The following NDST3 variants were observed in gnomAD, a reference collection of about 807,000 sequenced individuals.
NDST3 encodes the protein N-deacetylase and N-sulfotransferase 3.
In NDST3, 58 loss-of-function variants were observed where a neutral mutation model predicts 96.1. The observed-to-expected ratio is 0.60, with a 90% confidence interval of 0.49 to 0.75. NDST3 has a LOEUF of 0.75. Ranked by LOEUF, NDST3 falls within the 30% of genes least tolerant of loss-of-function variation. The pLI is 0.00. For missense variants in NDST3, 788 were observed against 1,034.2 expected (o/e 0.76, Z 3.27); for synonymous variants, 333 against 359.7 (o/e 0.93, Z 0.84).
At chr4:118,135,035 T>G (rs953861574) in intron 4 of NDST3, among the ~76,000 whole-genome samples, 6 of 152,232 alleles carry the variant, frequency 3.9e-5, no homozygotes, top group Non-Finnish European at 7.3e-5. Flanking sequence ...TAAAACCTGA[T>G]AGTCTGCCTT....
chr4:118,201,621 T>TA (rs1208180691), intron 6 of NDST3, among the ~76,000 whole-genome samples: 4 of 152,196 alleles, frequency 2.6e-5, no homozygotes, highest in Non-Finnish European at 5.9e-5. Context: ...GCCCATTTTT[T>TA]AATGAAGTTA....
At chr4:118,154,019 T>G (rs554628353) in intron 6 of NDST3, among the ~76,000 whole-genome samples, 1 of 152,162 alleles carries the variant, frequency 6.6e-6, no homozygotes, top group East Asian at 1.9e-4. Context: ...TTATAAAATA[T>G]CTATAGTGAA....
chr4:118,114,857 A>G lies in NDST3; in HGVS notation c.1121A>G (p.Glu374Gly), dbSNP rs1578664527. 4 of 1,614,022 alleles carry G rather than the reference A, an allele frequency of 2.5e-6. No homozygotes were observed. The highest frequency in any genetic ancestry group is 3.4e-6 in the Non-Finnish European group (4 of 1,179,952). The change falls in exon 4 of 14, where the codon GAG (glutamate) becomes GGG (glycine). Residue 374 changes from glutamate to glycine, a missense_variant. This residue lies in a region of NDST3 where 490 missense variants were observed against 708.8 expected (regional missense o/e 0.69). Transcript: ENST00000296499. The stretch of plus-strand genomic sequence containing the variant: ...GACTGTCTGTTGGGGTCTGTGGATG[A>G]GTTCTGGTGGTTTCCTCACATGTGG... ...GDDCLLGSVD[E>G]FWWFPHMWSH...
intron 4 of NDST3, among the ~76,000 whole-genome samples, chr4:118,122,240 G>C (rs570271363): frequency 1.3e-5 from 2 of 152,244 alleles, no homozygotes; most frequent in South Asian, 4.1e-4. Flanking sequence ...GTATGAGGGT[G>C]GGGGAGGTCT....
At chr4:118,117,731 C>T (rs1292610125) in intron 4 of NDST3, among the ~76,000 whole-genome samples, 2 of 152,058 alleles carry the variant, frequency 1.3e-5, no homozygotes, top group Admixed American at 6.5e-5. Context: ...TAATTAAGAC[C>T]AGAAATCTTA....
Position 118,155,580 on chromosome 4 carries a change from A to T in NDST3, c.1539+11896A>T, listed in dbSNP as rs1485697468. On this transcript the variant is annotated intron_variant, in intron 6 of 13. Transcript: ENST00000296499. ...ATATGTAGAGCTAACATTTATTTCA[A>T]TGTTTAATATTAAAGTTCTTTGGTT... Among the ~76,000 whole-genome samples the T allele has an allele frequency of 1.2e-4, 18 of 152,196 alleles. 1 individual carries two copies. The highest frequency in any genetic ancestry group is 1.2e-3 in the Admixed American group (18 of 15,278).
chr4:118,076,830 C>T (rs13139875), intron 2 of NDST3, among the ~76,000 whole-genome samples: 114,507 of 152,080 alleles, frequency 0.75, 45,765 homozygotes, highest in South Asian at 0.92. Flanking sequence ...GAACCATTTC[C>T]GGAAAACTAC....
intron 4 of NDST3, among the ~76,000 whole-genome samples, chr4:118,128,338 T>C (rs2125884991): frequency 6.6e-6 from 1 of 152,194 alleles, no homozygotes; most frequent in South Asian, 2.1e-4. Context: ...AGATGGATTT[T>C]ATTATGGTGA....
intron 8 of NDST3, among the ~76,000 whole-genome samples, chr4:118,232,204 A>C (rs1203712451): frequency 1.3e-5 from 2 of 152,192 alleles, no homozygotes; most frequent in Non-Finnish European, 2.9e-5. Flanking sequence ...TGATTTTGGT[A>C]ATGTAATATG....
intron 6 of NDST3, among the ~76,000 whole-genome samples, chr4:118,179,788 A>G (rs1736489165): frequency 1.3e-5 from 2 of 152,086 alleles, no homozygotes; most frequent in South Asian, 4.1e-4. Context: ...ATTCTCAGAT[A>G]CTAAAAAGTT....
intron 2 of NDST3, among the ~76,000 whole-genome samples, chr4:118,058,171 CTG>C (rs1365410674): frequency 6.6e-6 from 1 of 151,770 alleles, no homozygotes; most frequent in Non-Finnish European, 1.5e-5. Flanking sequence ...GTTACATAAA[CTG>C]TTATGTACAA....
intron 6 of NDST3, among the ~76,000 whole-genome samples, chr4:118,223,539 C>T (rs1434671766): frequency 6.6e-6 from 1 of 151,974 alleles, no homozygotes; most frequent in African/African-American, 2.4e-5. Flanking sequence ...TAAAAGCCTG[C>T]AGGATTTGTT....
chr4:118,223,507 G>C (rs1739677882), intron 6 of NDST3, among the ~76,000 whole-genome samples: 1 of 152,008 alleles, frequency 6.6e-6, no homozygotes, highest in Non-Finnish European at 1.5e-5. Context: ...AAATATTCTT[G>C]ATCACAATGA....
intron 1 of NDST3, among the ~76,000 whole-genome samples, chr4:118,035,296 G>T (rs1180488383): frequency 6.6e-6 from 1 of 152,014 alleles, no homozygotes; most frequent in Non-Finnish European, 1.5e-5. Flanking sequence ...TTGAAATATA[G>T]CAACATGTAA....
chr4:118,153,824 A>AAATAAT (rs745796435), intron 6 of NDST3, among the ~76,000 whole-genome samples: 3 of 151,842 alleles, frequency 2.0e-5, no homozygotes, highest in Non-Finnish European at 4.4e-5. Flanking sequence ...ACTCCATCTA[A>AAATAAT]AATAATAATA....
At chr4:118,110,513 A>C (rs530770370) in intron 3 of NDST3, among the ~76,000 whole-genome samples, 1 of 152,208 alleles carries the variant, frequency 6.6e-6, no homozygotes, top group Non-Finnish European at 1.5e-5. Flanking sequence ...AAGTGAAATG[A>C]TGTTTGTAAA....
At chr4:118,250,764 G>A (rs560905655) in intron 12 of NDST3, among the ~76,000 whole-genome samples, 41 of 152,212 alleles carry the variant, frequency 2.7e-4, no homozygotes, top group Middle Eastern at 3.4e-3. Context: ...GATTATAGGC[G>A]TCAGCCATTG....
chr4:118,201,652 T>C (rs962169674), intron 6 of NDST3, among the ~76,000 whole-genome samples: 1 of 152,192 alleles, frequency 6.6e-6, no homozygotes. Flanking sequence ...TGCCTGTTGA[T>C]TTGTTCAAGC....
intron 6 of NDST3, among the ~76,000 whole-genome samples, chr4:118,184,319 T>C (rs1736788989): frequency 1.3e-5 from 2 of 152,094 alleles, no homozygotes; most frequent in Admixed American, 1.3e-4. Flanking sequence ...GAGATAACAT[T>C]TAAATCAGTA....
Sources: gnomAD v4.1 joint callset for allele counts (sites outside exome capture counted in the v4.1 genomes callset) on GRCh38, gnomAD v4.1.1 for gene constraint, gnomAD v4.1.1 regional missense constraint, MANE v1.5 for transcripts, NCBI Gene and HGNC (gene_info 2026-07-23, HGNC 2026-07-21) for gene names.